The following BST1 variants were observed in gnomAD, a reference collection of about 807,000 sequenced individuals.
BST1 encodes ADP-ribosyl cyclase/cyclic ADP-ribose hydrolase 2.
Under a neutral mutation model 40.6 loss-of-function variants are expected in BST1, and 49 were observed. That is an observed-to-expected ratio of 1.21 (90% CI 0.96 to 1.53). BST1 has a LOEUF of 1.53. BST1 is among the 40% of genes most tolerant of loss of function. BST1 has a pLI of 0.00. For missense variants in BST1, 423 were observed against 395.9 expected, an observed-to-expected ratio of 1.07 and a Z score of -0.58; for synonymous variants, 157 against 159.3, an observed-to-expected ratio of 0.99 and a Z score of 0.11.
At chr4:15,772,313 A>G in the BST1 span, among the ~76,000 whole-genome samples, 58,159 of 151,944 alleles carry the variant, frequency 0.38, 12,537 homozygotes, top group African/African-American at 0.59. Context: ...TTGCACTATA[A>G]GGATCATGAA....
chr4:15,739,065 T>G (rs1333103079), downstream of BST1, among the ~76,000 whole-genome samples: 1 of 152,202 alleles, frequency 6.6e-6, no homozygotes, highest in Non-Finnish European at 1.5e-5. Context: ...TCAGCCTTAC[T>G]CTTCTCAGGA....
At chr4:15,704,069 AGG>A (rs1719733439) in intron 1 of BST1, among the ~76,000 whole-genome samples, 2 of 116,730 alleles carry the variant, frequency 1.7e-5, no homozygotes, top group Non-Finnish European at 3.5e-5. Flanking sequence ...TCTAGAGGTG[AGG>A]GGTGTGTGTG....
the BST1 span, among the ~76,000 whole-genome samples, chr4:15,767,308 A>T: frequency 6.6e-6 from 1 of 151,240 alleles, no homozygotes; most frequent in African/African-American, 2.4e-5. Flanking sequence ...ACTTTTTATC[A>T]ATTTTTTTTT....
the BST1 span, among the ~76,000 whole-genome samples, chr4:15,761,713 T>C: frequency 6.6e-6 from 1 of 151,980 alleles, no homozygotes; most frequent in Non-Finnish European, 1.5e-5. Flanking sequence ...TTCCTTCTCC[T>C]GGGTGGAATA....
At chr4:15,731,697 A>C in intron 8 of BST1, 43 bp from the exon 9 acceptor site, 1 of 1,578,076 alleles carries the variant, frequency 6.3e-7, no homozygotes, top group Admixed American at 1.8e-5. Flanking sequence ...TAGATTCCAT[A>C]CACCAATACT....
At chr4:15,769,438 C>T in the BST1 span, among the ~76,000 whole-genome samples, 3 of 152,212 alleles carry the variant, frequency 2.0e-5, no homozygotes, top group Admixed American at 6.5e-5. Flanking sequence ...TCCCCCATTT[C>T]TAGAAGCTTT....
chr4:15,772,419 T>C, the BST1 span, among the ~76,000 whole-genome samples: 1 of 152,192 alleles, frequency 6.6e-6, no homozygotes, highest in Non-Finnish European at 1.5e-5. Flanking sequence ...AAACCCACAT[T>C]TCTCAGTCAT....
At chr4:15,749,612 C>T in the BST1 span, among the ~76,000 whole-genome samples, 1 of 152,182 alleles carries the variant, frequency 6.6e-6, no homozygotes, top group Non-Finnish European at 1.5e-5. Flanking sequence ...CCCTGCTTAG[C>T]AGCATAACAA....
the BST1 span, among the ~76,000 whole-genome samples, chr4:15,756,620 G>A: frequency 3.9e-5 from 6 of 152,162 alleles, no homozygotes; most frequent in Non-Finnish European, 7.3e-5. Context: ...TGTCCTTAAT[G>A]GGTATATCTT....
At chr4:15,741,112 T>G (rs1439701271), downstream of BST1, among the ~76,000 whole-genome samples, 2 of 128,362 alleles carry the variant, frequency 1.6e-5, no homozygotes, top group Admixed American at 7.3e-5. Flanking sequence ...AGATTGAATT[T>G]GGCCGTTACT....
chr4:15,710,744 G>T (rs1451455666), intron 3 of BST1, among the ~76,000 whole-genome samples: 2 of 151,694 alleles, frequency 1.3e-5, no homozygotes. Flanking sequence ...CATCCATGTT[G>T]TTGCAAATGG....
At chr4:15,715,249 T>A in intron 4 of BST1, 36 bp from the exon 5 acceptor site, 3 of 1,587,040 alleles carry the variant, frequency 1.9e-6, no homozygotes, top group Non-Finnish European at 2.6e-6. Flanking sequence ...AAATGTCACG[T>A]CTTTATTTGC....
the BST1 span, among the ~76,000 whole-genome samples, chr4:15,757,788 T>C: frequency 2.0e-5 from 3 of 152,114 alleles, no homozygotes; most frequent in Non-Finnish European, 4.4e-5. Context: ...ACTACAGGCA[T>C]GCGCCACCAC....
At chr4:15,748,554 AG>A in the BST1 span, among the ~76,000 whole-genome samples, 1 of 152,198 alleles carries the variant, frequency 6.6e-6, no homozygotes, top group Non-Finnish European at 1.5e-5. Context: ...ACTTTAATGA[AG>A]GATATCTGCC....
chr4:15,748,950 G>A, the BST1 span, among the ~76,000 whole-genome samples: 1 of 152,136 alleles, frequency 6.6e-6, no homozygotes, highest in Non-Finnish European at 1.5e-5. Flanking sequence ...GCACACCAGA[G>A]GAAGGGAGGA....
chr4:15,713,653 T>C (rs892611031), intron 4 of BST1, among the ~76,000 whole-genome samples: 6 of 152,120 alleles, frequency 3.9e-5, no homozygotes, highest in Non-Finnish European at 5.9e-5. Context: ...AGATCAGACT[T>C]TCAACCACGA....
chr4:15,735,101 G>C (rs1314851745), downstream of BST1, among the ~76,000 whole-genome samples: 4 of 152,130 alleles, frequency 2.6e-5, no homozygotes, highest in Admixed American at 1.3e-4. Flanking sequence ...TCCCTCCTCA[G>C]GGTCTTTGAA....
chr4:15,706,403 TC>T (rs1719883094), intron 2 of BST1, among the ~76,000 whole-genome samples: 1 of 152,208 alleles, frequency 6.6e-6, no homozygotes, highest in Non-Finnish European at 1.5e-5. Flanking sequence ...CTCAGTATCC[TC>T]CCGGGAGACC....
chr4:15,723,527 C>G, intron 8 of BST1: 1 of 984,502 alleles, frequency 1.0e-6, no homozygotes, highest in Non-Finnish European at 1.2e-6. Context: ...GGATTACAGG[C>G]GTAAGCCACC....
Sources: gnomAD v4.1 joint callset for allele counts (sites outside exome capture counted in the v4.1 genomes callset) on GRCh38, gnomAD v4.1.1 for gene constraint, MANE v1.5 for transcripts, NCBI Gene and HGNC (gene_info 2026-07-23, HGNC 2026-07-21) for gene names.